GABRA1: variants seen among roughly 807,000 people sequenced by gnomAD.
GABRA1 encodes gamma-aminobutyric acid type A receptor subunit alpha1.
GABRA1 carries 9 observed loss-of-function variants against 48.9 expected under a neutral mutation model. That is an observed-to-expected ratio of 0.18 (90% CI 0.11 to 0.32). The LOEUF (loss-of-function observed/expected upper bound fraction) is 0.32. Among genes scored for constraint, GABRA1 ranks in the 10% least tolerant of loss-of-function variants. The pLI is 1.00. For missense variants in GABRA1, 285 were observed against 553.8 expected (o/e 0.51, Z 4.87); for synonymous variants, 210 against 198.7 (o/e 1.06, Z -0.48).
Position 161,898,710 on chromosome 5 carries a change from TAGGCTATTATAATATA to T in GABRA1, c.*1289_*1304del, listed in dbSNP as rs1315136696. 6.6e-6 allele frequency: 1 copy of T among 152,566 alleles called. No individual in the cohort carries two copies. The highest frequency in any genetic ancestry group is 2.4e-5 in the African/African-American group (1 of 41,452). 9.5% of individuals were successfully genotyped at this position (152,566 alleles called of 1,614,324 possible). On this transcript the variant is annotated 3_prime_UTR_variant, in exon 10 of 10. Transcript: ENST00000393943. Reference sequence around the variant, plus strand: ...AGTCATTCCACACATTTCCCTATTTTAGGCTATTATAATATAGAAAGAAAATGGGAAGCATTAGTTG... The same window carrying T: ...AGTCATTCCACACATTTCCCTATTTTGAAAGAAAATGGGAAGCATTAGTTG...
chr5:161,863,431 A>G (rs575010228), intron 3 of GABRA1, among the ~76,000 whole-genome samples: 2 of 151,936 alleles, frequency 1.3e-5, no homozygotes, highest in Non-Finnish European at 2.9e-5. Flanking sequence ...AGGGGAGCAG[A>G]TGTATCACAT....
intron 3 of GABRA1, among the ~76,000 whole-genome samples, chr5:161,859,522 A>AT (rs1413160152): frequency 6.6e-6 from 1 of 151,740 alleles, no homozygotes; most frequent in Non-Finnish European, 1.5e-5. Flanking sequence ...AGATCAAAGT[A>AT]TTTTTTGTGC....
intron 7 of GABRA1, among the ~76,000 whole-genome samples, chr5:161,888,230 A>T (rs755870005): frequency 1.3e-5 from 2 of 152,234 alleles, no homozygotes; most frequent in East Asian, 3.9e-4. Context: ...TATTATTTCA[A>T]TCCAATTTAG....
chr5:161,879,905 A>C (rs1754537716), intron 6 of GABRA1, among the ~76,000 whole-genome samples: 1 of 152,238 alleles, frequency 6.6e-6, no homozygotes, highest in Admixed American at 6.5e-5. Context: ...ATGACAAAGT[A>C]TAAAAAGATA....
chr5:161,851,225 C>G (rs1400632188), intron 2 of GABRA1, among the ~76,000 whole-genome samples: 2 of 152,082 alleles, frequency 1.3e-5, no homozygotes, highest in Non-Finnish European at 2.9e-5. Context: ...TACTGTGTAA[C>G]CTGATTTAAC....
chr5:161,857,607 G>T (rs1485006102), intron 3 of GABRA1, among the ~76,000 whole-genome samples: 2 of 151,440 alleles, frequency 1.3e-5, no homozygotes, highest in Non-Finnish European at 3.0e-5. Flanking sequence ...GATTTTTAAA[G>T]GTAGGAGAGC....
At chr5:161,853,197 A>C (rs1757518547) in intron 2 of GABRA1, among the ~76,000 whole-genome samples, 1 of 151,938 alleles carries the variant, frequency 6.6e-6, no homozygotes, top group Non-Finnish European at 1.5e-5. Flanking sequence ...TGATTCAAGG[A>C]GCATAGATAG....
intron 8 of GABRA1, among the ~76,000 whole-genome samples, chr5:161,892,650 C>T (rs1391282442): frequency 6.6e-6 from 1 of 150,796 alleles, no homozygotes; most frequent in African/African-American, 2.4e-5. Flanking sequence ...ATGAGTATGC[C>T]TTTTTCTCAC....
chr5:161,862,242 A>G (rs917769674), intron 3 of GABRA1, among the ~76,000 whole-genome samples: 1 of 151,878 alleles, frequency 6.6e-6, no homozygotes, highest in African/African-American at 2.4e-5. Context: ...TGAAATGCAC[A>G]GGGCTCTTCA....
chr5:161,873,057 G>T lies in GABRA1; in HGVS notation c.256-60G>T. The T allele has an allele frequency of 2.3e-6, 3 of 1,288,638 alleles. No homozygotes were observed. The South Asian group carries it at 3.6e-5, about 15-fold the overall frequency. The allele number at this position is 1,288,638 out of a possible 1,614,324, so 79.8% of individuals were successfully genotyped here. On this transcript the variant is annotated intron_variant, in intron 4 of 9. Coordinates refer to ENST00000393943, the MANE Select transcript of GABRA1 (RefSeq NM_001127644.2). Reference sequence around the variant, plus strand: ...CAAAAATTATGCACTGTCTGCGTTAGATATTTGCATTGCAAAATACAGCAC... The same window carrying T: ...CAAAAATTATGCACTGTCTGCGTTATATATTTGCATTGCAAAATACAGCAC...
At chr5:161,892,080 G>T (rs898246088) in intron 8 of GABRA1, among the ~76,000 whole-genome samples, 1 of 152,144 alleles carries the variant, frequency 6.6e-6, no homozygotes, top group Non-Finnish European at 1.5e-5. Context: ...GAGTCTGTTC[G>T]CCTAATGACA....
intron 8 of GABRA1, among the ~76,000 whole-genome samples, chr5:161,894,466 G>A (rs1014826192): frequency 6.6e-6 from 1 of 152,092 alleles, no homozygotes; most frequent in African/African-American, 2.4e-5. Context: ...TTCAACAATG[G>A]TATAGACAGT....
chr5:161,875,310 T>C (rs1754298107), intron 5 of GABRA1, among the ~76,000 whole-genome samples: 1 of 152,166 alleles, frequency 6.6e-6, no homozygotes, highest in Admixed American at 6.6e-5. Flanking sequence ...TGGAAAATAT[T>C]AACAAGGCTT....
At chr5:161,865,656 GT>G (rs1753804282) in intron 3 of GABRA1, 64 bp from the exon 4 acceptor site, 8 of 1,247,478 alleles carry the variant, frequency 6.4e-6, no homozygotes, top group African/African-American at 1.5e-5. Flanking sequence ...GTGTCAGTAT[GT>G]GGTGGTGAGA....
At chr5:161,893,045 T>TAAAAAAAA (rs201703824) in intron 8 of GABRA1, among the ~76,000 whole-genome samples, 1 of 86,296 alleles carries the variant, frequency 1.2e-5, no homozygotes, top group East Asian at 2.8e-4. Context: ...ATAATAATAA[T>TAAAAAAAA]AATAAAATAA....
chr5:161,893,011 ATAATAATAAT>A (rs755962484), intron 8 of GABRA1, among the ~76,000 whole-genome samples: 7,835 of 100,836 alleles, frequency 0.078, 349 homozygotes, highest in South Asian at 0.19. Context: ...TCTCAAAAAA[ATAATAATAAT>A]AATAATAATA....
chr5:161,895,380 A>C (rs1755315163), intron 8 of GABRA1, among the ~76,000 whole-genome samples: 1 of 152,150 alleles, frequency 6.6e-6, no homozygotes. Flanking sequence ...CAGGACACCC[A>C]TGTTCAAAGC....
chr5:161,856,289 A>G lies in GABRA1; in HGVS notation c.187+2019A>G, dbSNP rs138552462. The stretch of plus-strand genomic sequence containing the variant: ...CATTAATTCATACTGCCACACTGCT[A>G]TTTTTGTAGAATCTACTTTTATCAT... On this transcript the variant is annotated intron_variant, in intron 3 of 9. Transcript: ENST00000393943. Among the ~76,000 whole-genome samples, 534 of 151,516 alleles carry G rather than the reference A, an allele frequency of 3.5e-3. 2 individuals carry two copies. Among genetic ancestry groups the G allele is most frequent in the African/African-American group, 0.012 (506 of 41,490 alleles).
chr5:161,865,721 A>C lies in GABRA1; in HGVS notation c.188A>C (p.Glu63Ala), dbSNP rs1429109541. 4.3e-6 allele frequency: 7 copies of C among 1,612,734 alleles called. No homozygotes were observed. The highest frequency in any genetic ancestry group is 5.9e-6 in the Non-Finnish European group (7 of 1,179,038). The change falls in exon 4 of 10, where the codon GAG becomes GCG. Residue 63 changes from glutamate (E) to alanine (A), a missense_variant and splice_region_variant. Physicochemically the swap from Glu to Ala is moderately radical, Grantham distance 107 (BLOSUM62 -1). This residue lies in a region of GABRA1 where 105 missense variants were observed against 267.4 expected (regional missense o/e 0.39). Transcript: ENST00000393943. ...CTCGCCCAATTTCCTGCTTCAACAGAGCGTGTAACCGAAGTGAAGACTGAT... is the reference window on the plus strand; with the variant it reads ...CTCGCCCAATTTCCTGCTTCAACAGCGCGTGTAACCGAAGTGAAGACTGAT... ...YDNRLRPGLG[E>A]RVTEVKTDIF...
Sources: allele counts gnomAD v4.1 joint callset (sites outside exome capture counted in the v4.1 genomes callset), GRCh38; gene constraint gnomAD v4.1.1; regional missense constraint gnomAD v4.1.1; transcripts MANE v1.5; gene names NCBI Gene and HGNC (gene_info 2026-07-23, HGNC 2026-07-21).